Variants in ST6GALNAC3 observed in about 807,000 individuals in gnomAD.
ST6GALNAC3 encodes the protein alpha-N-acetylgalactosaminide alpha-2,6-sialyltransferase 3.
Under a neutral mutation model 32.7 loss-of-function variants are expected in ST6GALNAC3, and 25 were observed. That is an observed-to-expected ratio of 0.76 (90% CI 0.56 to 1.07). ST6GALNAC3 has a LOEUF of 1.07. ST6GALNAC3 is among the 50% of genes least tolerant of loss of function. The pLI is 0.00. For synonymous variants in ST6GALNAC3, 129 were observed against 133.1 expected (o/e 0.97, Z 0.21); for missense variants, 355 against 382.4 (o/e 0.93, Z 0.60).
At chr1:76,215,399 C>T (rs10873870) in intron 1 of ST6GALNAC3, among the ~76,000 whole-genome samples, 102,913 of 151,956 alleles carry the variant, frequency 0.68, 37,871 homozygotes, top group East Asian at 0.93. Flanking sequence ...CACATCAGAA[C>T]GCCTAGGAAG....
chr1:76,128,686 G>A (rs1418941698), intron 1 of ST6GALNAC3, among the ~76,000 whole-genome samples: 1 of 152,196 alleles, frequency 6.6e-6, no homozygotes, highest in Non-Finnish European at 1.5e-5. Context: ...GAAGATGGAG[G>A]TGTTTTCAGC....
At chr1:76,276,714 C>G (rs953760898) in intron 1 of ST6GALNAC3, among the ~76,000 whole-genome samples, 1 of 152,066 alleles carries the variant, frequency 6.6e-6, no homozygotes, top group African/African-American at 2.4e-5. Flanking sequence ...AAACCATGAA[C>G]AGTCTTTAAT....
intron 2 of ST6GALNAC3, among the ~76,000 whole-genome samples, chr1:76,337,936 G>A (rs1009671920): frequency 2.6e-5 from 4 of 152,120 alleles, no homozygotes; most frequent in African/African-American, 9.7e-5. Context: ...CTCAGGCAAG[G>A]CATTAACAGT....
chr1:76,596,186 T>G (rs1223394345), intron 3 of ST6GALNAC3, among the ~76,000 whole-genome samples: 1 of 152,212 alleles, frequency 6.6e-6, no homozygotes, highest in Non-Finnish European at 1.5e-5. Flanking sequence ...TTCGACCTCC[T>G]GCTTTAGCTT....
chr1:76,507,032 C>T (rs138916829), intron 3 of ST6GALNAC3, among the ~76,000 whole-genome samples: 1,819 of 152,302 alleles, frequency 0.012, 16 homozygotes, highest in Non-Finnish European at 0.016. Flanking sequence ...CATGCCTCTG[C>T]TGTTCATTAT....
intron 1 of ST6GALNAC3, among the ~76,000 whole-genome samples, chr1:76,264,682 A>G (rs778479441): frequency 6.6e-6 from 1 of 152,168 alleles, no homozygotes; most frequent in Non-Finnish European, 1.5e-5. Context: ...TTGTTCAGAC[A>G]TAATCCTTAG....
At chr1:76,087,079 C>T (rs950571701) in intron 1 of ST6GALNAC3, among the ~76,000 whole-genome samples, 1 of 152,142 alleles carries the variant, frequency 6.6e-6, no homozygotes, top group African/African-American at 2.4e-5. Context: ...ATCTGTTCGT[C>T]GGCTGGTTTG....
intron 1 of ST6GALNAC3, among the ~76,000 whole-genome samples, chr1:76,088,257 A>C (rs773950187): frequency 1.3e-5 from 2 of 152,228 alleles, no homozygotes; most frequent in African/African-American, 2.4e-5. Context: ...CTATGACCAC[A>C]GACTTTGTTT....
intron 3 of ST6GALNAC3, among the ~76,000 whole-genome samples, chr1:76,584,229 G>A (rs72680005): frequency 0.023 from 3,461 of 152,302 alleles, 68 homozygotes; most frequent in Non-Finnish European, 0.036. Context: ...GATGTCAGAT[G>A]TTGAACATGT....
intron 3 of ST6GALNAC3, among the ~76,000 whole-genome samples, chr1:76,526,433 T>G (rs1662915160): frequency 6.6e-6 from 1 of 152,116 alleles, no homozygotes; most frequent in Non-Finnish European, 1.5e-5. Context: ...AATAATTTTC[T>G]TCTCTCAGTA....
intron 2 of ST6GALNAC3, among the ~76,000 whole-genome samples, chr1:76,377,059 C>G (rs894807200): frequency 2.0e-5 from 3 of 152,094 alleles, no homozygotes; most frequent in African/African-American, 7.2e-5. Context: ...CCAAAACACT[C>G]CTACATGTAT....
intron 1 of ST6GALNAC3, among the ~76,000 whole-genome samples, chr1:76,295,036 A>G (rs992538136): frequency 1.3e-4 from 20 of 151,156 alleles, no homozygotes; most frequent in African/African-American, 4.9e-4. Flanking sequence ...CAGCTGCCCC[A>G]CTCCATGCTG....
Position 76,079,803 on chromosome 1 carries a change from C to G in ST6GALNAC3, c.18+4919C>G, listed in dbSNP as rs148164620. On this transcript the variant is annotated intron_variant, in intron 1 of 4. Coordinates refer to ENST00000328299, the MANE Select transcript of ST6GALNAC3 (RefSeq NM_152996.4). ...GAAAACCTCTCAACTCTGCCCCTTA[C>G]TTTCCATCCTTACTCCCCCTGCCTT... Among the ~76,000 whole-genome samples the G allele has an allele frequency of 5.9e-5, 9 of 152,298 alleles. No individual in the cohort carries two copies. In the East Asian group the frequency reaches 9.7e-4, roughly 16 times the overall value.
intron 3 of ST6GALNAC3, among the ~76,000 whole-genome samples, chr1:76,417,996 T>C (rs778256167): frequency 6.6e-6 from 1 of 152,180 alleles, no homozygotes; most frequent in Non-Finnish European, 1.5e-5. Context: ...CACTGATTTG[T>C]GAATACAGTA....
chr1:76,369,934 T>A (rs770428087), intron 2 of ST6GALNAC3, among the ~76,000 whole-genome samples: 6 of 152,216 alleles, frequency 3.9e-5, no homozygotes, highest in Non-Finnish European at 5.9e-5. Flanking sequence ...AGAGCTAGCT[T>A]GGAACACTAA....
At chr1:76,420,101 G>T (rs1654928811) in intron 3 of ST6GALNAC3, among the ~76,000 whole-genome samples, 9 of 151,988 alleles carry the variant, frequency 5.9e-5, no homozygotes, top group Admixed American at 5.9e-4. Flanking sequence ...AGGTCCTCTA[G>T]ATCAGTACAG....
chr1:76,328,953 G>C (rs1363191555), intron 2 of ST6GALNAC3, among the ~76,000 whole-genome samples: 1 of 151,878 alleles, frequency 6.6e-6, no homozygotes, highest in Non-Finnish European at 1.5e-5. Context: ...ATTTTTTTAG[G>C]GCATGAGTCT....
intron 3 of ST6GALNAC3, among the ~76,000 whole-genome samples, chr1:76,469,097 A>T (rs141714027): frequency 1.3e-5 from 2 of 152,190 alleles, no homozygotes; most frequent in Admixed American, 1.3e-4. Context: ...CAATTCTTGC[A>T]TATGTTTATT....
chr1:76,365,500 T>C (rs577778640), intron 2 of ST6GALNAC3, among the ~76,000 whole-genome samples: 37 of 152,344 alleles, frequency 2.4e-4, no homozygotes, highest in Non-Finnish European at 4.3e-4. Flanking sequence ...AAATTTAACT[T>C]CTTTTCCACC....
Sources: gnomAD v4.1 joint callset for allele counts (sites outside exome capture counted in the v4.1 genomes callset) on GRCh38, gnomAD v4.1.1 for gene constraint, MANE v1.5 for transcripts, NCBI Gene and HGNC (gene_info 2026-07-23, HGNC 2026-07-21) for gene names.